Variants in SORCS1 observed in about 807,000 individuals in gnomAD.
The protein encoded by SORCS1 is VPS10 domain-containing receptor SorCS1.
Under a neutral mutation model 146.1 loss-of-function variants are expected in SORCS1, and 60 were observed. That is an observed-to-expected ratio of 0.41 (90% confidence interval 0.33 to 0.51). The LOEUF is 0.51. Among genes scored for constraint, SORCS1 ranks in the 20% least tolerant of loss-of-function variants. SORCS1 has a pLI of 0.21. For missense variants in SORCS1, 1,352 were observed against 1,487.6 expected, an observed-to-expected ratio of 0.91 and a Z score of 1.50; for synonymous variants, 637 against 584.0, an observed-to-expected ratio of 1.09 and a Z score of -1.31.
chr10:106,885,937 C>T (rs1564773551), intron 2 of SORCS1, among the ~76,000 whole-genome samples: 2 of 152,082 alleles, frequency 1.3e-5, no homozygotes, highest in African/African-American at 4.8e-5. Context: ...TTGTGAGGCC[C>T]CTCTAGCCAT....
rs113491893 is a variant in SORCS1, at chr10:106,605,933, TG to T, written c.3165+1232del. Among the ~76,000 whole-genome samples, 1,439 of 152,302 alleles carry T rather than the reference TG, an allele frequency of 9.4e-3. 27 individuals carry two copies. The highest frequency in any genetic ancestry group is 0.033 in the African/African-American group (1,362 of 41,556). ...ATTATAGAAGTTTCTCAAGTCATCC[TG>T]GAAGACTAAAGATCATGGGGCTAGA... On this transcript the variant is annotated intron_variant, in intron 23 of 25. Coordinates refer to ENST00000263054, the MANE Select transcript of SORCS1 (RefSeq NM_052918.5).
At chr10:106,897,931 C>A (rs1185655252) in intron 2 of SORCS1, among the ~76,000 whole-genome samples, 1 of 152,354 alleles carries the variant, frequency 6.6e-6, no homozygotes, top group East Asian at 1.9e-4. Flanking sequence ...TTTCAGTCCT[C>A]TGGTGCAGCC....
intron 10 of SORCS1, among the ~76,000 whole-genome samples, chr10:106,685,434 T>G (rs1308168441): frequency 6.6e-6 from 1 of 152,088 alleles, no homozygotes; most frequent in Non-Finnish European, 1.5e-5. Context: ...ACCTGCTCAT[T>G]TCAGATAACA....
chr10:107,084,138 C>A (rs900316817), intron 1 of SORCS1, among the ~76,000 whole-genome samples: 27 of 147,912 alleles, frequency 1.8e-4, no homozygotes, highest in African/African-American at 6.0e-4. Flanking sequence ...CTCTGTTGCC[C>A]AGGCTGGAGT....
chr10:106,911,486 T>C (rs1952151184), intron 2 of SORCS1, among the ~76,000 whole-genome samples: 1 of 152,126 alleles, frequency 6.6e-6, no homozygotes, highest in Admixed American at 6.5e-5. Flanking sequence ...GCCTCAGCCC[T>C]ATCCTATTTA....
intron 1 of SORCS1, among the ~76,000 whole-genome samples, chr10:107,084,024 G>T (rs1485716698): frequency 6.6e-6 from 1 of 151,258 alleles, no homozygotes; most frequent in East Asian, 2.0e-4. Flanking sequence ...AAACTATACA[G>T]AATATTAACT....
At chr10:106,872,845 T>C (rs763032400) in intron 2 of SORCS1, among the ~76,000 whole-genome samples, 4 of 152,134 alleles carry the variant, frequency 2.6e-5, no homozygotes, top group African/African-American at 9.6e-5. Flanking sequence ...AAGAAAATAA[T>C]GGAAAGTAAA....
rs748313597 is a variant in SORCS1 at position 107,131,644 on chromosome 10, G to A, written c.558+32325C>T. On this transcript the variant is annotated intron_variant, in intron 1 of 25. Coordinates refer to ENST00000263054, the MANE Select transcript of SORCS1 (RefSeq NM_052918.5). ...AGAGGCACAAGAATCTCTTGAACCC[G>A]GGAGGTAGAGGTTACCATGAGCCTA... 6.6e-5 allele frequency among the ~76,000 whole-genome samples: 10 copies of A among 152,280 alleles called. No homozygotes were observed. In the East Asian group the frequency reaches 1.2e-3, roughly 18 times the overall value.
In SORCS1 at chr10:107,164,347, C is replaced by T; in HGVS notation, c.180G>A (p.Gly60=). The change falls in exon 1 of 26, where the codon GGG becomes GGA. Residue 60 remains glycine (G), a synonymous_variant. Transcript: ENST00000263054. The surrounding 1 kb of genome is among the most constrained non-coding windows in gnomAD (Gnocchi z 6.8). ...GCGTGGCAGGAGCCCTGCCTGGCCG[C>T]CCCTGGTGGGAAAAGCCCCTAGGGG... ...ASTPRGFSHQ[G]RPGRAPATPL... is the part of the protein sequence containing the mutation. 1 of 1,527,134 alleles carries T rather than the reference C, an allele frequency of 6.5e-7. No homozygotes were observed. Among genetic ancestry groups the T allele is most frequent in the Non-Finnish European group, 8.8e-7 (1 of 1,139,344 alleles). The allele number at this position is 1,527,134 out of a possible 1,614,324, so 94.6% of individuals were successfully genotyped here.
intron 2 of SORCS1, among the ~76,000 whole-genome samples, chr10:106,871,162 A>G (rs190512690): frequency 6.6e-6 from 1 of 152,350 alleles, no homozygotes; most frequent in African/African-American, 2.4e-5. Context: ...AACATCTCAC[A>G]CCAGTTAGAA....
At position 106,660,751 on chromosome 10, in the gene SORCS1, A is replaced by G. The variant is rs539969915; in HGVS notation, c.2303+6938T>C. On this transcript the variant is annotated intron_variant, in intron 17 of 25. Coordinates refer to ENST00000263054, the MANE Select transcript of SORCS1 (RefSeq NM_052918.5). ...GGCAATAGAGTGAGACTCCGTCTCA[A>G]AAAAAAAAAAAAAAGTCCCCATTGC... Among the ~76,000 whole-genome samples the G allele has an allele frequency of 6.6e-3, 953 of 144,108 alleles. 15 individuals carry two copies. The highest frequency in any genetic ancestry group is 0.024 in the African/African-American group (903 of 38,234). The allele number at this position is 144,108 out of a possible 152,430, so 94.5% of individuals were successfully genotyped here.
At chr10:106,899,311 C>T (rs534999874) in intron 2 of SORCS1, among the ~76,000 whole-genome samples, 1 of 152,274 alleles carries the variant, frequency 6.6e-6, no homozygotes, top group South Asian at 2.1e-4. Context: ...TCTATGTAGA[C>T]TGAGAACTAA....
chr10:107,121,813 G>A (rs1334958870), intron 1 of SORCS1, among the ~76,000 whole-genome samples: 2 of 152,152 alleles, frequency 1.3e-5, no homozygotes, highest in Non-Finnish European at 2.9e-5. Flanking sequence ...AATACACAGT[G>A]GTTCCTTTTG....
intron 3 of SORCS1, among the ~76,000 whole-genome samples, chr10:106,794,754 C>T (rs1199976745): frequency 6.6e-6 from 1 of 152,106 alleles, no homozygotes; most frequent in Non-Finnish European, 1.5e-5. Context: ...CCGCCCACCT[C>T]GGCCTCCCAA....
chr10:107,006,295 C>T (rs764638013), intron 1 of SORCS1, among the ~76,000 whole-genome samples: 4 of 151,650 alleles, frequency 2.6e-5, no homozygotes, highest in Admixed American at 6.6e-5. Context: ...TAGCACCTGA[C>T]AGGTACTAGA....
intron 24 of SORCS1, among the ~76,000 whole-genome samples, chr10:106,583,913 T>A (rs960136807): frequency 6.6e-6 from 1 of 152,190 alleles, no homozygotes; most frequent in African/African-American, 2.4e-5. Context: ...CTTATTGTTG[T>A]CCAGTGTTCA....
intron 5 of SORCS1, among the ~76,000 whole-genome samples, chr10:106,744,657 T>C (rs949732192): frequency 1.3e-5 from 2 of 152,332 alleles, no homozygotes; most frequent in African/African-American, 4.8e-5. Flanking sequence ...ATTCTTTGTT[T>C]TGGGAATTAA....
chr10:106,976,270 A>G (rs1955996942), intron 1 of SORCS1, among the ~76,000 whole-genome samples: 2 of 150,440 alleles, frequency 1.3e-5, no homozygotes, highest in African/African-American at 4.9e-5. Context: ...CAGGTTTGCT[A>G]CATAGGTATA....
chr10:106,832,077 A>G (rs1948571508), intron 2 of SORCS1, among the ~76,000 whole-genome samples: 1 of 151,956 alleles, frequency 6.6e-6, no homozygotes, highest in Non-Finnish European at 1.5e-5. Flanking sequence ...TTCCTTCCAA[A>G]TCTATCTTTT....
Sources: gnomAD v4.1 joint callset for allele counts (sites outside exome capture counted in the v4.1 genomes callset) on GRCh38, gnomAD v4.1.1 for gene constraint, Gnocchi (gnomAD v3.1) non-coding constraint, MANE v1.5 for transcripts, NCBI Gene and HGNC (gene_info 2026-07-23, HGNC 2026-07-21) for gene names.